The following GRK3 variants were observed in gnomAD, a reference collection of about 807,000 sequenced individuals.
The protein encoded by GRK3 is G protein-coupled receptor kinase 3, also known as adrenergic, beta, receptor kinase 2.
In GRK3, 54 loss-of-function variants were observed where a neutral mutation model predicts 95.7. The observed-to-expected ratio is 0.56, with a 90% CI of 0.45 to 0.71. The LOEUF (loss-of-function observed/expected upper bound fraction) is 0.71. Ranked by LOEUF, GRK3 falls within the 30% of genes least tolerant of loss-of-function variation. The probability of loss-of-function intolerance (pLI) is 0.00; values close to 1 mark genes in which losing one functional copy is unlikely to be tolerated. For synonymous variants in GRK3, 281 were observed against 290.8 expected (o/e 0.97, Z 0.34); for missense variants, 649 against 851.2 (o/e 0.76, Z 2.96).
chr22:25,599,284 T>A (rs902855204), intron 1 of GRK3, among the ~76,000 whole-genome samples: 1 of 152,126 alleles, frequency 6.6e-6, no homozygotes, highest in Non-Finnish European at 1.5e-5. Context: ...TTATAGACTC[T>A]GAGAAAATAT....
In GRK3 at chr22:25,565,022, G is replaced by T. The variant is rs753901708; in HGVS notation, c.-19G>T. The T allele has an allele frequency of 1.3e-5, 16 of 1,214,956 alleles. No individual in the cohort carries two copies. The Admixed American group carries it at 3.6e-4, about 27-fold the overall frequency. The allele number at this position is 1,214,956 out of a possible 1,614,324, so 75.3% of individuals were successfully genotyped here. A position where few individuals can be genotyped will look rare whatever the true frequency, so the allele number is the denominator to read the frequency against. On this transcript the variant is annotated 5_prime_UTR_variant, in exon 1 of 21. Coordinates refer to ENST00000324198, the MANE Select transcript of GRK3 (RefSeq NM_005160.4). ...CAGGTCCGGAGTAACCGCCGCCGCC[G>T]CCGCCAAAGCTCGCCAACATGGCGG... is the stretch of plus-strand genomic sequence containing the variant.
intron 3 of GRK3, among the ~76,000 whole-genome samples, chr22:25,645,737 A>T (rs543358279): frequency 2.1e-4 from 32 of 152,088 alleles, no homozygotes; most frequent in Non-Finnish European, 4.1e-4. Context: ...CCTGGCTAAC[A>T]TGGTGAAACC....
In GRK3 at chr22:25,644,352, G is replaced by A. The variant is rs145208723; in HGVS notation, c.191-240G>A. ...CATACTTTTGTGGAAAGTGGGGGGC[G>A]GGGGTGAACATGAATAGAGAAGGAA... On this transcript the variant is annotated intron_variant, in intron 2 of 20. Coordinates refer to ENST00000324198, the MANE Select transcript of GRK3 (RefSeq NM_005160.4). Among the ~76,000 whole-genome samples, 211 of 152,014 alleles carry A rather than the reference G, an allele frequency of 1.4e-3. 1 individual carries two copies. Among genetic ancestry groups the A allele is most frequent in the African/African-American group, 4.3e-3 (180 of 41,442 alleles).
intron 1 of GRK3, among the ~76,000 whole-genome samples, chr22:25,573,152 T>C (rs1280518152): frequency 6.6e-6 from 1 of 152,256 alleles, no homozygotes; most frequent in Non-Finnish European, 1.5e-5. Flanking sequence ...TATAGGAAGC[T>C]GTCCCCAGCT....
intron 8 of GRK3, among the ~76,000 whole-genome samples, chr22:25,676,826 A>G (rs1015276182): frequency 2.0e-5 from 3 of 151,994 alleles, no homozygotes; most frequent in African/African-American, 7.2e-5. Context: ...CTCAGGAGCC[A>G]TATAGCTAGA....
At chr22:25,645,941 G>A (rs1328274825) in intron 3 of GRK3, among the ~76,000 whole-genome samples, 4 of 151,476 alleles carry the variant, frequency 2.6e-5, no homozygotes, top group East Asian at 3.9e-4. Flanking sequence ...AAAAGAAACA[G>A]GGTTAAGGCA....
chr22:25,702,760 T>TA, intron 13 of GRK3: 1 of 455,766 alleles, frequency 2.2e-6, no homozygotes, highest in Non-Finnish European at 4.4e-6. Context: ...ACTGCCATTG[T>TA]CTTGGCTACT....
chr22:25,644,519 C>A, intron 2 of GRK3, 73 bp from the exon 3 acceptor site: 1 of 701,438 alleles, frequency 1.4e-6, no homozygotes, highest in Non-Finnish European at 2.4e-6. Context: ...AAACACATTG[C>A]TTTGAAAACA....
chr22:25,629,505 C>T (rs545950258), intron 2 of GRK3, among the ~76,000 whole-genome samples: 4 of 152,324 alleles, frequency 2.6e-5, no homozygotes, highest in South Asian at 4.1e-4. Context: ...GGTGTGTCCC[C>T]TCTGGGCCAA....
Position 25,673,453 on chromosome 22 carries a change from C to A in GRK3, c.556-984C>A, listed in dbSNP as rs1032812353. Among the ~76,000 whole-genome samples the A allele has an allele frequency of 2.2e-4, 34 of 151,294 alleles. 1 individual carries two copies. Among genetic ancestry groups the A allele is most frequent in the Non-Finnish European group, 4.4e-5 (3 of 67,894 alleles). Reference sequence around the variant, plus strand: ...TTTTTCAATTTCTAACCTCCTTTTCCCATCATATTTCCTGGAAGGATTTAG... The same window carrying A: ...TTTTTCAATTTCTAACCTCCTTTTCACATCATATTTCCTGGAAGGATTTAG... On this transcript the variant is annotated intron_variant, in intron 7 of 20. Coordinates refer to ENST00000324198, the MANE Select transcript of GRK3 (RefSeq NM_005160.4).
intron 4 of GRK3, among the ~76,000 whole-genome samples, chr22:25,663,212 A>G (rs2084920898): frequency 6.6e-6 from 1 of 152,154 alleles, no homozygotes; most frequent in Admixed American, 6.6e-5. Context: ...CTTTATGGAA[A>G]TGAGGTTCCA....
chr22:25,606,396 T>C (rs1233500496), intron 2 of GRK3, among the ~76,000 whole-genome samples: 1 of 152,156 alleles, frequency 6.6e-6, no homozygotes, highest in African/African-American at 2.4e-5. Flanking sequence ...CTGTCTAGTG[T>C]TGTTGGCCTG....
intron 1 of GRK3, among the ~76,000 whole-genome samples, chr22:25,602,853 T>C (rs1183554992): frequency 6.6e-6 from 1 of 152,194 alleles, no homozygotes; most frequent in African/African-American, 2.4e-5. Flanking sequence ...AATGGAAATA[T>C]CCTGTATCTT....
Position 25,644,765 on chromosome 22 carries a change from A to G in GRK3, c.264+100A>G, listed in dbSNP as rs1195451490. 29 of 585,252 alleles carry G rather than the reference A, an allele frequency of 5.0e-5. 1 individual carries two copies. 36.3% of individuals were successfully genotyped at this position (585,252 alleles called of 1,614,324 possible). Reference sequence around the variant, plus strand: ...TACTTAATATCTTACAAATATTTAGAAATTCATTGAAAGTAATTAGTAGTG... The same window carrying G: ...TACTTAATATCTTACAAATATTTAGGAATTCATTGAAAGTAATTAGTAGTG... On this transcript the variant is annotated intron_variant, in intron 3 of 20. Coordinates refer to ENST00000324198, the MANE Select transcript of GRK3 (RefSeq NM_005160.4).
chr22:25,716,694 A>G lies in GRK3; in HGVS notation c.1655-1551A>G, dbSNP rs143389078. Among the ~76,000 whole-genome samples the G allele has an allele frequency of 1.7e-3, 257 of 152,316 alleles. 1 individual carries two copies. The highest frequency in any genetic ancestry group is 5.8e-3 in the African/African-American group (242 of 41,564). ...CTGTGGATTCGACCAACCATGATCAAAAATATCTGGAGAAAACCAATAAGA... is the reference window on the plus strand; with the variant it reads ...CTGTGGATTCGACCAACCATGATCAGAAATATCTGGAGAAAACCAATAAGA... On this transcript the variant is annotated intron_variant, in intron 18 of 20. Coordinates refer to ENST00000324198, the MANE Select transcript of GRK3 (RefSeq NM_005160.4).
At chr22:25,673,419 A>ATT (rs879830854) in intron 7 of GRK3, among the ~76,000 whole-genome samples, 45 of 138,882 alleles carry the variant, frequency 3.2e-4, no homozygotes, top group African/African-American at 9.0e-4. Flanking sequence ...GAAATGATCT[A>ATT]TTTTTTTTTT....
At chr22:25,698,090 G>C (rs532424979) in intron 13 of GRK3, among the ~76,000 whole-genome samples, 3 of 149,830 alleles carry the variant, frequency 2.0e-5, no homozygotes, top group African/African-American at 7.4e-5. Context: ...GGGAGGAAGG[G>C]AGGAAGGAGA....
At chr22:25,705,892 G>A (rs1441791211) in intron 15 of GRK3, among the ~76,000 whole-genome samples, 1 of 152,136 alleles carries the variant, frequency 6.6e-6, no homozygotes, top group Non-Finnish European at 1.5e-5. Context: ...TTGTGTACAA[G>A]CAAGCAGTCA....
In GRK3 at chr22:25,663,646, C is replaced by G; in HGVS notation, c.383C>G (p.Ala128Gly). ...CTTTGATAGCCTTTCTCAAAGCAAG[C>G]TGTAGAACACGTACAAAGTCATTTA... ...LSCSHPFSKQAVEHVQSHLSK... is the reference protein window; with the variant it reads ...LSCSHPFSKQGVEHVQSHLSK... Residue 128 changes from alanine (A) to glycine (G), a missense_variant, in exon 5 of 21, where the codon GCT (alanine) becomes GGT (glycine). Ala to Gly is a moderately conservative substitution (Grantham distance 60). Transcript: ENST00000324198. 1 of 1,608,674 alleles carries G rather than the reference C, an allele frequency of 6.2e-7. No individual in the cohort carries two copies. The highest frequency in any genetic ancestry group is 8.5e-7 in the Non-Finnish European group (1 of 1,177,556).
Sources: gnomAD v4.1 joint callset for allele counts (sites outside exome capture counted in the v4.1 genomes callset) on GRCh38, gnomAD v4.1.1 for gene constraint, MANE v1.5 for transcripts, NCBI Gene and HGNC (gene_info 2026-07-23, HGNC 2026-07-21) for gene names.